The following ORC4 variants were observed in gnomAD, a reference collection of about 807,000 sequenced individuals.
ORC4 encodes origin recognition complex subunit 4, also known as origin recognition complex, subunit 4 homolog.
Under a neutral mutation model 63.9 loss-of-function variants are expected in ORC4, and 55 were observed. The ratio of observed to expected loss-of-function variants is 0.86; its 90% CI spans 0.69 to 1.08. The LOEUF (loss-of-function observed/expected upper bound fraction) is 1.08, where lower values mean the gene tolerates loss of function less well. Ranked by LOEUF, ORC4 falls within the 50% of genes least tolerant of loss-of-function variation. ORC4 has a pLI of 0.00. For missense variants in ORC4, 511 were observed against 504.4 expected (o/e 1.01, Z -0.13); for synonymous variants, 150 against 168.5 (o/e 0.89, Z 0.85).
intron 13 of ORC4, chr2:147,936,166 GA>G: frequency 5.8e-6 from 1 of 173,456 alleles, no homozygotes; most frequent in Non-Finnish European, 1.2e-5. Context: ...GAGGGAGGCA[GA>G]AAAAGACCCT....
intron 13 of ORC4, chr2:147,936,949 C>CA (rs1688081986): frequency 7.2e-6 from 1 of 139,670 alleles, no homozygotes; most frequent in African/African-American, 2.7e-5. Flanking sequence ...ACTTGGGAGG[C>CA]AGAGGTTGCA....
intron 1 of ORC4, among the ~76,000 whole-genome samples, chr2:147,987,803 C>A (rs964242206): frequency 6.6e-6 from 1 of 152,016 alleles, no homozygotes; most frequent in Non-Finnish European, 1.5e-5. Context: ...CCTGTAATCC[C>A]AGCACTTTGG....
intron 4 of ORC4, among the ~76,000 whole-genome samples, chr2:147,966,708 A>G (rs1210497057): frequency 2.0e-5 from 3 of 152,208 alleles, no homozygotes; most frequent in Non-Finnish European, 4.4e-5. Context: ...AGAATCAGGA[A>G]TAAAAAGTCT....
At chr2:147,983,876 C>G (rs891499733) in intron 1 of ORC4, among the ~76,000 whole-genome samples, 6 of 152,094 alleles carry the variant, frequency 3.9e-5, no homozygotes, top group African/African-American at 1.4e-4. Context: ...AGATACCACA[C>G]CAGAGGAATT....
At chr2:147,977,448 C>T (rs1390184891) in intron 1 of ORC4, among the ~76,000 whole-genome samples, 1 of 152,224 alleles carries the variant, frequency 6.6e-6, no homozygotes, top group Non-Finnish European at 1.5e-5. Flanking sequence ...GGCCCTTCAG[C>T]TTGTGTCCCC....
At chr2:148,009,420 G>A (rs1692819022) in intron 1 of ORC4, among the ~76,000 whole-genome samples, 1 of 151,962 alleles carries the variant, frequency 6.6e-6, no homozygotes. Flanking sequence ...AAGAGCCCAA[G>A]TAGCTTTGTA....
Position 147,972,818 on chromosome 2 carries a change from T to C in ORC4, c.146A>G (p.Glu49Gly). Reference protein sequence around the residue: ...GVQVQYKHLSELLKRTALHGE... With the variant: ...GVQVQYKHLSGLLKRTALHGE... ...ATGGAGAGCAGTTCTTTTCAGCAGC[T>C]CACTTAAGTGTCTAAAATGATATAA... is the stretch of plus-strand genomic sequence containing the variant. Residue 49 changes from glutamate to glycine, a missense_variant, in exon 4 of 14, where the codon GAG becomes GGG. Physicochemically the swap from Glu to Gly is moderately conservative, Grantham distance 98. Transcript: ENST00000392857. 1 of 1,606,024 alleles carries C rather than the reference T, an allele frequency of 6.2e-7. No homozygotes were observed. The highest frequency in any genetic ancestry group is 1.3e-5 in the African/African-American group (1 of 74,838).
At chr2:147,961,424 G>C (rs1296576385) in intron 4 of ORC4, among the ~76,000 whole-genome samples, 1 of 146,290 alleles carries the variant, frequency 6.8e-6, no homozygotes, top group Admixed American at 6.9e-5. Context: ...GCAACAGAGT[G>C]AGACTCTGTC....
chr2:147,952,762 C>T (rs1239018287), intron 7 of ORC4, among the ~76,000 whole-genome samples: 1 of 152,168 alleles, frequency 6.6e-6, no homozygotes, highest in Non-Finnish European at 1.5e-5. Context: ...CGTGGTGGCT[C>T]ATGCCTGTAA....
rs1687770951 is a variant in ORC4, at chr2:147,932,002, AGAG to A, written c.*3505_*3507del. 6.6e-6 allele frequency: 1 copy of A among 152,224 alleles called. No homozygotes were observed. The highest frequency in any genetic ancestry group is 3.4e-3 in the Middle Eastern group (1 of 296). The allele number at this position is 152,224 out of a possible 1,614,324, so 9.4% of individuals were successfully genotyped here. On this transcript the variant is annotated 3_prime_UTR_variant, in exon 14 of 14. Coordinates refer to ENST00000392857, the MANE Select transcript of ORC4 (RefSeq NM_181741.4). ...AAATAAAGGGTATTCAATTAGGAAA[AGAG>A]GAAGTCAAATTGTCCGTTTGCAGAC...
chr2:147,975,748 A>ATT lies in ORC4; in HGVS notation c.57+153_57+154insAA, dbSNP rs528550646. ...ATTGTTCTTACGACCTTGTGCTGGC[A>ATT]TCTCGTTAAGGTCTCGTACTGATAT... is the stretch of plus-strand genomic sequence containing the variant. On this transcript the variant is annotated intron_variant, in intron 2 of 13. Transcript: ENST00000392857. Among the ~76,000 whole-genome samples the ATT allele has an allele frequency of 4.6e-4, 70 of 152,326 alleles. 1 individual carries two copies. The South Asian group carries it at 0.014, about 31-fold the overall frequency.
At chr2:147,988,690 T>C (rs1375933392) in intron 1 of ORC4, among the ~76,000 whole-genome samples, 1 of 151,906 alleles carries the variant, frequency 6.6e-6, no homozygotes, top group African/African-American at 2.4e-5. Flanking sequence ...ATTTTTAAAA[T>C]GTAAGTGAAA....
intron 10 of ORC4, among the ~76,000 whole-genome samples, chr2:147,939,830 G>C (rs1331917492): frequency 6.6e-6 from 1 of 152,114 alleles, no homozygotes; most frequent in Non-Finnish European, 1.5e-5. Context: ...TGCTACTCAA[G>C]TATTTGAAGA....
intron 7 of ORC4, among the ~76,000 whole-genome samples, chr2:147,953,337 A>C (rs776394878): frequency 1.3e-5 from 2 of 152,018 alleles, no homozygotes; most frequent in Non-Finnish European, 2.9e-5. Context: ...TAGTTCCTAG[A>C]CTCTAGTAGA....
At chr2:147,939,011 A>C (rs868145217) in intron 11 of ORC4, 129 bp downstream of exon 11, 2 of 667,098 alleles carry the variant, frequency 3.0e-6, no homozygotes, top group Middle Eastern at 5.4e-4. Flanking sequence ...GACTAAGTTA[A>C]AGGCTATATG....
At position 147,938,213 on chromosome 2, in the gene ORC4, T is replaced by G. The variant is rs1248766054; in HGVS notation, c.1055A>C (p.Glu352Ala). The change falls in exon 13 of 14, where the codon GAG becomes GCG. Residue 352 changes from glutamate (E) to alanine (A), a missense_variant and splice_region_variant. Coordinates refer to ENST00000392857, the MANE Select transcript of ORC4 (RefSeq NM_181741.4). Reference sequence around the variant, plus strand: ...TTTCCTTTGAACAAACTTCTGAAACTCTGAGTAGAAAGCAATGACAACATT... The same window carrying G: ...TTTCCTTTGAACAAACTTCTGAAACGCTGAGTAGAAAGCAATGACAACATT... ...EPFNFQMVYN[E>A]FQKFVQRKAH... is the part of the protein sequence containing the mutation. 1.9e-6 allele frequency: 3 copies of G among 1,612,124 alleles called. No individual in the cohort carries two copies. Among genetic ancestry groups the G allele is most frequent in the Non-Finnish European group, 1.7e-6 (2 of 1,178,600 alleles).
In ORC4 at chr2:147,933,905, G is replaced by A. The variant is rs1436880509; in HGVS notation, c.*1605C>T. On this transcript the variant is annotated 3_prime_UTR_variant, in exon 14 of 14. Transcript: ENST00000392857. ...GAATACTTAGCAGGCTTAACTTTTT[G>A]CAGGGAAGGAAAGGCTATGTATGCA... is the stretch of plus-strand genomic sequence containing the variant. The A allele has an allele frequency of 6.6e-6, 1 of 152,080 alleles. No homozygotes were observed. Among genetic ancestry groups the A allele is most frequent in the East Asian group, 1.9e-4 (1 of 5,200 alleles). The allele number at this position is 152,080 out of a possible 1,614,324, so 9.4% of individuals were successfully genotyped here. A position where few individuals can be genotyped will look rare whatever the true frequency, so the allele number is the denominator to read the frequency against.
At chr2:147,974,841 T>C (rs1020653) in intron 2 of ORC4, among the ~76,000 whole-genome samples, 48,060 of 145,316 alleles carry the variant, frequency 0.33, 8,158 homozygotes, top group East Asian at 0.52. Context: ...GAAAACCTCA[T>C]TAAAATATCT....
At chr2:147,955,314 T>C in intron 7 of ORC4, 33 bp downstream of exon 7, 1 of 1,463,410 alleles carries the variant, frequency 6.8e-7, no homozygotes, top group East Asian at 2.3e-5. Flanking sequence ...TTAAAACAGA[T>C]CTTCTGAAAC....
Sources: gnomAD v4.1 joint callset for allele counts (sites outside exome capture counted in the v4.1 genomes callset) on GRCh38, gnomAD v4.1.1 for gene constraint, MANE v1.5 for transcripts, NCBI Gene and HGNC (gene_info 2026-07-23, HGNC 2026-07-21) for gene names.